NRXN3: variants seen among roughly 807,000 people sequenced by gnomAD.
NRXN3 encodes the protein neurexin III.
Under a neutral mutation model 137.6 loss-of-function variants are expected in NRXN3, and 32 were observed. The ratio of observed to expected loss-of-function variants is 0.23; its 90% CI spans 0.18 to 0.31. The LOEUF (loss-of-function observed/expected upper bound fraction) is 0.31. NRXN3 is among the 10% of genes least tolerant of loss of function. NRXN3 has a pLI of 1.00. For synonymous variants in NRXN3, 798 were observed against 784.5 expected, an observed-to-expected ratio of 1.02 and a Z score of -0.29; for missense variants, 1,574 against 2,062.5, an observed-to-expected ratio of 0.76 and a Z score of 4.59.
At chr14:78,766,064 C>A (rs1156932621) in intron 8 of NRXN3, among the ~76,000 whole-genome samples, 3 of 152,144 alleles carry the variant, frequency 2.0e-5, no homozygotes, top group Non-Finnish European at 2.9e-5. Context: ...TCAGTTGGTG[C>A]CAGAGATAAC....
intron 10 of NRXN3, among the ~76,000 whole-genome samples, chr14:78,849,565 T>C (rs1001285060): frequency 6.6e-6 from 1 of 152,170 alleles, no homozygotes; most frequent in African/African-American, 2.4e-5. Context: ...TAAGTTTACA[T>C]CTTACGCTAA....
At chr14:79,140,378 T>C (rs1028320763) in intron 15 of NRXN3, among the ~76,000 whole-genome samples, 1 of 152,172 alleles carries the variant, frequency 6.6e-6, no homozygotes, top group African/African-American at 2.4e-5. Context: ...GGCCTTTTTC[T>C]TGCCGTTTGT....
chr14:79,668,766 C>A (rs1272123450), intron 17 of NRXN3, among the ~76,000 whole-genome samples: 1 of 151,960 alleles, frequency 6.6e-6, no homozygotes, highest in Admixed American at 6.6e-5. Flanking sequence ...GACTTTTACC[C>A]CCTGGATGCC....
At chr14:79,775,975 A>G (rs1305481509) in intron 19 of NRXN3, among the ~76,000 whole-genome samples, 1 of 152,188 alleles carries the variant, frequency 6.6e-6, no homozygotes, top group African/African-American at 2.4e-5. Context: ...GCCTAAAAAA[A>G]AGTAGGTTCT....
intron 14 of NRXN3, among the ~76,000 whole-genome samples, chr14:78,987,691 A>T (rs1188175085): frequency 6.6e-6 from 1 of 152,070 alleles, no homozygotes; most frequent in African/African-American, 2.4e-5. Flanking sequence ...ATTCTACATT[A>T]AAAAAAGCTA....
intron 16 of NRXN3, among the ~76,000 whole-genome samples, chr14:79,583,134 A>C (rs1433498817): frequency 1.3e-5 from 2 of 152,248 alleles, no homozygotes; most frequent in Admixed American, 1.3e-4. Flanking sequence ...TCTAGAGGGA[A>C]TAATTTTTCT....
intron 16 of NRXN3, among the ~76,000 whole-genome samples, chr14:79,631,664 A>C (rs1296229206): frequency 1.4e-5 from 2 of 144,450 alleles, no homozygotes; most frequent in Non-Finnish European, 3.0e-5. Flanking sequence ...TTTTGGGTGG[A>C]GTGGGGACCT....
intron 20 of NRXN3, among the ~76,000 whole-genome samples, chr14:79,842,719 T>G (rs1006215918): frequency 6.6e-6 from 1 of 152,204 alleles, no homozygotes; most frequent in Non-Finnish European, 1.5e-5. Flanking sequence ...ATCTATCATC[T>G]CACATAGTTA....
chr14:79,558,684 C>T (rs1431570074), intron 16 of NRXN3, among the ~76,000 whole-genome samples: 3 of 151,586 alleles, frequency 2.0e-5, no homozygotes, highest in African/African-American at 7.3e-5. Flanking sequence ...GTAAATTTAT[C>T]ACAATTCTTA....
chr14:79,121,576 G>A (rs75652428), intron 15 of NRXN3, among the ~76,000 whole-genome samples: 6,620 of 151,900 alleles, frequency 0.044, 524 homozygotes, highest in African/African-American at 0.15. Context: ...TGATTATCTC[G>A]TTTTATAAAA....
At chr14:78,679,793 T>C (rs2098054061) in intron 6 of NRXN3, among the ~76,000 whole-genome samples, 1 of 152,154 alleles carries the variant, frequency 6.6e-6, no homozygotes, top group African/African-American at 2.4e-5. Flanking sequence ...TATTAAACAC[T>C]TCCATATGTC....
intron 17 of NRXN3, among the ~76,000 whole-genome samples, chr14:79,683,198 A>G (rs1189048980): frequency 6.6e-6 from 1 of 152,182 alleles, no homozygotes; most frequent in Non-Finnish European, 1.5e-5. Flanking sequence ...TTTACACTGT[A>G]TAATAGGATG....
chr14:79,309,732 T>C (rs1200510189), intron 15 of NRXN3, among the ~76,000 whole-genome samples: 1 of 148,320 alleles, frequency 6.7e-6, no homozygotes, highest in African/African-American at 2.5e-5. Flanking sequence ...AATGTCTTCT[T>C]TTGAGAAGTG....
chr14:79,091,600 CAG>C (rs1021630755), intron 15 of NRXN3, among the ~76,000 whole-genome samples: 1 of 152,060 alleles, frequency 6.6e-6, no homozygotes, highest in African/African-American at 2.4e-5. Context: ...CTTACATAAT[CAG>C]GGGCTTTCTG....
intron 8 of NRXN3, among the ~76,000 whole-genome samples, chr14:78,761,460 G>T (rs1361455436): frequency 6.6e-6 from 1 of 152,098 alleles, no homozygotes; most frequent in East Asian, 1.9e-4. Flanking sequence ...AGGGGATTTT[G>T]CAGTAAATCA....
At chr14:79,592,333 G>A (rs1025724631) in intron 16 of NRXN3, among the ~76,000 whole-genome samples, 1 of 152,110 alleles carries the variant, frequency 6.6e-6, no homozygotes, top group African/African-American at 2.4e-5. Context: ...CCTGCTGAAT[G>A]ATGAAGACGA....
intron 4 of NRXN3, among the ~76,000 whole-genome samples, chr14:78,335,550 A>G (rs901951148): frequency 6.6e-5 from 10 of 152,220 alleles, no homozygotes; most frequent in African/African-American, 2.4e-4. Context: ...TATATTAATT[A>G]CTAGTATCAT....
intron 15 of NRXN3, among the ~76,000 whole-genome samples, chr14:79,256,081 A>G (rs192142674): frequency 1.3e-4 from 20 of 151,652 alleles, no homozygotes; most frequent in Admixed American, 6.6e-4. Flanking sequence ...GCATTTCTTT[A>G]TGTCCATCCC....
At chr14:78,903,851 G>A (rs1298337962) in intron 10 of NRXN3, among the ~76,000 whole-genome samples, 2 of 152,010 alleles carry the variant, frequency 1.3e-5, no homozygotes, top group African/African-American at 2.4e-5. Context: ...AATGAAGTGC[G>A]TTTCTTGCTT....
Sources: gnomAD v4.1 joint callset for allele counts (sites outside exome capture counted in the v4.1 genomes callset) on GRCh38, gnomAD v4.1.1 for gene constraint, MANE v1.5 for transcripts, NCBI Gene and HGNC (gene_info 2026-07-23, HGNC 2026-07-21) for gene names.